Variants in PLPP1 observed in about 807,000 individuals in gnomAD.
The protein encoded by PLPP1 is lipid phosphate phosphohydrolase 1a.
PLPP1 carries 24 observed loss-of-function variants against 31.2 expected under a neutral mutation model. The ratio of observed to expected loss-of-function variants is 0.77; its 90% CI spans 0.56 to 1.08. PLPP1 has a LOEUF of 1.08. Ranked by LOEUF, PLPP1 falls within the 50% of genes least tolerant of loss-of-function variation. The pLI is 0.00. For missense variants in PLPP1, 319 were observed against 342.7 expected, an observed-to-expected ratio of 0.93 and a Z score of 0.55; for synonymous variants, 146 against 126.3, an observed-to-expected ratio of 1.16 and a Z score of -1.05.
chr5:55,528,242 G>A (rs1488728395), intron 1 of PLPP1, among the ~76,000 whole-genome samples: 2 of 152,076 alleles, frequency 1.3e-5, no homozygotes, highest in Non-Finnish European at 2.9e-5. Flanking sequence ...CAGCAGCTAC[G>A]AGTAATTCCA....
intron 3 of PLPP1, among the ~76,000 whole-genome samples, chr5:55,456,001 G>C (rs192594989): frequency 2.1e-4 from 31 of 150,600 alleles, no homozygotes; most frequent in African/African-American, 7.6e-4. Flanking sequence ...GGGCTCATTA[G>C]CTTTTTTTTT....
chr5:55,479,638 C>T (rs111498441), intron 1 of PLPP1, among the ~76,000 whole-genome samples: 2 of 4,218 alleles, frequency 4.7e-4, no homozygotes, highest in Non-Finnish European at 1.5e-3. Flanking sequence ...GTCCCTGAAC[C>T]GGGTGAAATG....
At chr5:55,522,386 G>A (rs1174066930) in intron 1 of PLPP1, among the ~76,000 whole-genome samples, 2 of 152,096 alleles carry the variant, frequency 1.3e-5, no homozygotes, top group Non-Finnish European at 2.9e-5. Context: ...AAATATTAAA[G>A]TGCCTCTTCT....
chr5:55,523,178 C>T (rs748351383), intron 1 of PLPP1, among the ~76,000 whole-genome samples: 9 of 152,084 alleles, frequency 5.9e-5, no homozygotes, highest in African/African-American at 1.2e-4. Flanking sequence ...ATAATCATTA[C>T]ATCAGGGTAA....
intron 1 of PLPP1, among the ~76,000 whole-genome samples, chr5:55,512,496 GAAAAGAAAAGA>G (rs1343330492): frequency 7.5e-5 from 1 of 13,262 alleles, no homozygotes; most frequent in African/African-American, 1.7e-4. Context: ...AAGAAAGAAA[GAAAAGAAAAGA>G]AAAGAAAAGA....
intron 4 of PLPP1, among the ~76,000 whole-genome samples, chr5:55,438,474 A>G (rs1327791828): frequency 6.6e-6 from 1 of 152,202 alleles, no homozygotes; most frequent in Non-Finnish European, 1.5e-5. Flanking sequence ...TTTGGCTATC[A>G]AAGACTGTCC....
At chr5:55,502,361 C>T (rs1477856499) in intron 1 of PLPP1, among the ~76,000 whole-genome samples, 1 of 152,162 alleles carries the variant, frequency 6.6e-6, no homozygotes, top group East Asian at 1.9e-4. Context: ...GTGGCGCACA[C>T]CTGTAGTCCC....
chr5:55,488,354 T>G (rs1295420618), intron 1 of PLPP1, among the ~76,000 whole-genome samples: 1 of 151,490 alleles, frequency 6.6e-6, no homozygotes, highest in Non-Finnish European at 1.5e-5. Context: ...ATATAAAAAC[T>G]GTCAAACTAG....
At chr5:55,482,193 T>TAC (rs1237302482) in intron 1 of PLPP1, among the ~76,000 whole-genome samples, 9 of 148,696 alleles carry the variant, frequency 6.1e-5, no homozygotes, top group Non-Finnish European at 1.0e-4. Flanking sequence ...ATATAGTATA[T>TAC]ACACACACAG....
intron 3 of PLPP1, among the ~76,000 whole-genome samples, chr5:55,446,584 G>A (rs1281187681): frequency 6.6e-6 from 1 of 152,142 alleles, no homozygotes; most frequent in Non-Finnish European, 1.5e-5. Flanking sequence ...ATTTATATTA[G>A]AATGAAGTCA....
intron 1 of PLPP1, among the ~76,000 whole-genome samples, chr5:55,521,450 C>A (rs576282719): frequency 6.6e-6 from 1 of 150,910 alleles, no homozygotes; most frequent in Non-Finnish European, 1.5e-5. Context: ...TCTGGGAGGT[C>A]AAGGCTGCAG....
chr5:55,438,563 A>G (rs956234356), intron 4 of PLPP1, among the ~76,000 whole-genome samples: 2 of 152,142 alleles, frequency 1.3e-5, no homozygotes, highest in African/African-American at 4.8e-5. Flanking sequence ...GAGAAACAAG[A>G]TGAGTCATTG....
intron 2 of PLPP1, among the ~76,000 whole-genome samples, chr5:55,472,644 GAGAA>G (rs1180463092): frequency 1.2e-5 from 1 of 86,862 alleles, no homozygotes; most frequent in Non-Finnish European, 2.6e-5. Flanking sequence ...GACAGAGAGA[GAGAA>G]AGAAAGAAAG....
rs1274987315 is a variant in PLPP1, at chr5:55,441,921, G to C, written c.492-13C>G. Reference sequence around the variant, plus strand: ...ATAGAAGGACAACCTGGAAGAAAAAGAAGACAAATGTTACTTTTCTCTCTT... The same window carrying C: ...ATAGAAGGACAACCTGGAAGAAAAACAAGACAAATGTTACTTTTCTCTCTT... On this transcript the variant is annotated splice_polypyrimidine_tract_variant and intron_variant, in intron 3 of 5. Coordinates refer to ENST00000307259, the MANE Select transcript of PLPP1 (RefSeq NM_003711.4). The C allele has an allele frequency of 1.2e-6, 2 of 1,610,952 alleles. No homozygotes were observed. The highest frequency in any genetic ancestry group is 1.7e-6 in the Non-Finnish European group (2 of 1,177,274).
intron 1 of PLPP1, among the ~76,000 whole-genome samples, chr5:55,495,614 A>C (rs7723462): frequency 1.3e-5 from 2 of 151,866 alleles, no homozygotes; most frequent in African/African-American, 4.8e-5. Context: ...CTAATACAAC[A>C]ATGGTATCTT....
intron 4 of PLPP1, among the ~76,000 whole-genome samples, chr5:55,434,676 AGACAGTCTC>A (rs1289790582): frequency 6.6e-6 from 1 of 152,218 alleles, no homozygotes; most frequent in Non-Finnish European, 1.5e-5. Flanking sequence ...CATACAATAG[AGACAGTCTC>A]GTCACTAAAT....
Position 55,534,747 on chromosome 5 carries a change from C to T in PLPP1, c.-118G>A. On this transcript the variant is annotated 5_prime_UTR_variant, in exon 1 of 6. Transcript: ENST00000307259. ...GACGGCCCCGAGCTACGGCCCCTCC[C>T]AGCCGGAGGAGGAGAGCAGCCGAGG... is the stretch of plus-strand genomic sequence containing the variant. 1 of 1,113,452 alleles carries T rather than the reference C, an allele frequency of 9.0e-7. No homozygotes were observed. The highest frequency in any genetic ancestry group is 1.2e-6 in the Non-Finnish European group (1 of 809,438). 69.0% of individuals were successfully genotyped at this position (1,113,452 alleles called of 1,614,324 possible).
intron 1 of PLPP1, among the ~76,000 whole-genome samples, chr5:55,506,573 G>C (rs1382409092): frequency 6.6e-6 from 1 of 152,174 alleles, no homozygotes; most frequent in East Asian, 1.9e-4. Context: ...GAAGAGAAAT[G>C]TTGAAACCTC....
intron 4 of PLPP1, among the ~76,000 whole-genome samples, chr5:55,434,006 G>A (rs769197175): frequency 2.6e-5 from 4 of 151,782 alleles, no homozygotes; most frequent in Non-Finnish European, 5.9e-5. Context: ...GTGCATGCCT[G>A]TAATCCTAGC....
Sources: allele counts gnomAD v4.1 joint callset (sites outside exome capture counted in the v4.1 genomes callset), GRCh38; gene constraint gnomAD v4.1.1; transcripts MANE v1.5; gene names NCBI Gene and HGNC (gene_info 2026-07-23, HGNC 2026-07-21).